ZNF217: variants seen among roughly 807,000 people sequenced by gnomAD.
The protein encoded by ZNF217 is zinc finger protein 217.
In ZNF217, 12 loss-of-function variants were observed where a neutral mutation model predicts 73.3. The observed-to-expected ratio is 0.16, with a 90% CI of 0.10 to 0.27. The LOEUF is 0.27. ZNF217 is among the 10% of genes least tolerant of loss of function. ZNF217 has a pLI of 1.00. For missense variants in ZNF217, 1,195 were observed against 1,327.8 expected (o/e 0.90, Z 1.55); for synonymous variants, 588 against 516.4 (o/e 1.14, Z -1.88).
At chr20:53,587,065 A>T (rs1988722000) in intron 1 of ZNF217, among the ~76,000 whole-genome samples, 1 of 152,220 alleles carries the variant, frequency 6.6e-6, no homozygotes, top group Non-Finnish European at 1.5e-5. Context: ...AAACGACAGA[A>T]CTTAACTCAT....
intron 1 of ZNF217, among the ~76,000 whole-genome samples, chr20:53,588,200 A>G (rs566208072): frequency 2.6e-5 from 4 of 152,262 alleles, no homozygotes; most frequent in Admixed American, 2.0e-4. Context: ...CATTAACTAG[A>G]AACTGCCTGA....
upstream of ZNF217, among the ~76,000 whole-genome samples, chr20:53,594,614 T>C (rs1311910719): frequency 6.6e-6 from 1 of 151,114 alleles, no homozygotes; most frequent in African/African-American, 2.4e-5. Context: ...GCCGCGGCGG[T>C]AGCCGTGACA....
intron 1 of ZNF217, among the ~76,000 whole-genome samples, chr20:53,588,198 A>G (rs1988761049): frequency 6.6e-6 from 1 of 152,152 alleles, no homozygotes; most frequent in South Asian, 2.1e-4. Flanking sequence ...GTCATTAACT[A>G]GAAACTGCCT....
intron 4 of ZNF217, chr20:53,574,238 C>T (rs964105289): frequency 2.6e-5 from 4 of 152,094 alleles, no homozygotes; most frequent in African/African-American, 7.2e-5. Context: ...ATTTTAGTCC[C>T]GCAGTTGGTT....
At chr20:53,585,095 G>GA (rs748460021) in intron 1 of ZNF217, among the ~76,000 whole-genome samples, 6,851 of 46,698 alleles carry the variant, frequency 0.15, 772 homozygotes, top group Middle Eastern at 0.23. Flanking sequence ...GTGAGAATTT[G>GA]AAAAAAAAAA....
Position 53,575,922 on chromosome 20 carries a change from C to T in ZNF217, c.2842G>A (p.Val948Ile), listed in dbSNP as rs1384576549. Residue 948 changes from valine to isoleucine, a missense_variant, in exon 4 of 6, where the codon GTC (valine) becomes ATC (isoleucine). By Grantham distance (29) the Val-to-Ile change is conservative. Transcript: ENST00000371471. The stretch of plus-strand genomic sequence containing the variant: ...GGTAACAGTGATGTGATGCCTCTGA[C>T]CATATGGTACTTGGGAAGGTCATAG... ...RGYDLPKYHM[V>I]RGITSLLPQD... The T allele has an allele frequency of 1.2e-6, 2 of 1,614,064 alleles. No individual in the cohort carries two copies. The highest frequency in any genetic ancestry group is 1.7e-6 in the Non-Finnish European group (2 of 1,180,038).
chr20:53,597,581 T>C (rs964693512), upstream of ZNF217: 2 of 149,524 alleles, frequency 1.3e-5, no homozygotes, highest in African/African-American at 2.5e-5. Flanking sequence ...TAATATACTA[T>C]TAAAAAAATA....
chr20:53,587,802 G>A (rs2741375), intron 1 of ZNF217, among the ~76,000 whole-genome samples: 104,628 of 140,072 alleles, frequency 0.75, 39,406 homozygotes, highest in East Asian at 0.82. Context: ...TGTCTTTTAC[G>A]CACAGTATTT....
chr20:53,573,850 C>T (rs1988124399), intron 4 of ZNF217, among the ~76,000 whole-genome samples: 1 of 152,160 alleles, frequency 6.6e-6, no homozygotes, highest in Admixed American at 6.5e-5. Flanking sequence ...ACAGGAGGAT[C>T]ACCTAAGGTC....
intron 5 of ZNF217, among the ~76,000 whole-genome samples, chr20:53,569,654 G>A (rs8119347): frequency 0.026 from 3,951 of 152,262 alleles, 166 homozygotes; most frequent in African/African-American, 0.091. Flanking sequence ...AAAGTGCTGC[G>A]ATTACAGGCA....
chr20:53,578,213 C>T (rs994895498), intron 3 of ZNF217, 121 bp downstream of exon 3: 1 of 622,920 alleles, frequency 1.6e-6, no homozygotes, highest in South Asian at 2.1e-5. Flanking sequence ...AATCAACATG[C>T]TACATATTTA....
upstream of ZNF217, chr20:53,597,582 T>TA (rs899729455): frequency 6.7e-6 from 1 of 149,136 alleles, no homozygotes; most frequent in African/African-American, 2.5e-5. Flanking sequence ...AATATACTAT[T>TA]AAAAAAATAT....
intron 1 of ZNF217, among the ~76,000 whole-genome samples, chr20:53,593,462 C>A (rs553828924): frequency 1.4e-4 from 21 of 149,816 alleles, no homozygotes; most frequent in African/African-American, 5.2e-4. Flanking sequence ...CCGCTCCCGG[C>A]GGAGATTCAG....
At chr20:53,583,403 T>TC (rs1453118064) in intron 1 of ZNF217, among the ~76,000 whole-genome samples, 3 of 152,370 alleles carry the variant, frequency 2.0e-5, no homozygotes, top group Middle Eastern at 3.4e-3. Context: ...CCAGTTTAAA[T>TC]CAGTGCTTTA....
chr20:53,593,859 G>C (rs1370295447), upstream of ZNF217: 1 of 151,070 alleles, frequency 6.6e-6, no homozygotes, highest in East Asian at 2.0e-4. Flanking sequence ...CGGGCGCGGA[G>C]GGGAGGGGGC....
chr20:53,592,370 T>C (rs1363715724), intron 1 of ZNF217, among the ~76,000 whole-genome samples: 6 of 146,954 alleles, frequency 4.1e-5, no homozygotes, highest in African/African-American at 1.5e-4. Flanking sequence ...CTGAAATGAC[T>C]ACCCTTTTCT....
Position 53,581,330 on chromosome 20 carries a change from C to T in ZNF217, c.1366+131G>A. ...TTACACAGAGTGATACCAAAAAGAG[C>T]CTGGACTTGACTCTGGCTCTCCAAA... On this transcript the variant is annotated intron_variant, in intron 2 of 5. Transcript: ENST00000371471. The surrounding 1 kb of genome is among the most constrained non-coding windows in gnomAD (Gnocchi z 4.9). 1 of 1,300,772 alleles carries T rather than the reference C, an allele frequency of 7.7e-7. No homozygotes were observed. The highest frequency in any genetic ancestry group is 1.5e-5 in the South Asian group (1 of 66,766). 80.6% of individuals were successfully genotyped at this position (1,300,772 alleles called of 1,614,324 possible).
intron 1 of ZNF217, among the ~76,000 whole-genome samples, chr20:53,593,065 G>A (rs921040753): frequency 2.0e-5 from 3 of 151,796 alleles, no homozygotes; most frequent in African/African-American, 7.3e-5. Context: ...ACACATCCAG[G>A]AAACGCAGCC....
intron 5 of ZNF217, among the ~76,000 whole-genome samples, chr20:53,570,864 A>G (rs1319140172): frequency 6.6e-6 from 1 of 152,188 alleles, no homozygotes; most frequent in African/African-American, 2.4e-5. Flanking sequence ...CCTGCCTCTC[A>G]CAGGCAGAGC....
Sources: gnomAD v4.1 joint callset for allele counts (sites outside exome capture counted in the v4.1 genomes callset) on GRCh38, gnomAD v4.1.1 for gene constraint, Gnocchi (gnomAD v3.1) non-coding constraint, MANE v1.5 for transcripts, NCBI Gene and HGNC (gene_info 2026-07-23, HGNC 2026-07-21) for gene names.